The following SPRED1 variants were observed in gnomAD, a reference collection of about 807,000 sequenced individuals.
The protein encoded by SPRED1 is sprouty-related, EVH1 domain-containing protein 1.
In SPRED1, 18 loss-of-function variants were observed where a neutral mutation model predicts 52.3. The observed-to-expected ratio is 0.34, with a 90% CI of 0.24 to 0.51. The LOEUF (loss-of-function observed/expected upper bound fraction) is 0.51, where lower values mean the gene tolerates loss of function less well. Ranked by LOEUF, SPRED1 falls within the 20% of genes least tolerant of loss-of-function variation. The probability of loss-of-function intolerance (pLI) is 0.97; values close to 1 mark genes in which losing one functional copy is unlikely to be tolerated. For synonymous variants in SPRED1, 155 were observed against 179.7 expected (o/e 0.86, Z 1.10); for missense variants, 485 against 551.0 (o/e 0.88, Z 1.20).
intron 6 of SPRED1, among the ~76,000 whole-genome samples, chr15:38,350,381 C>T (rs149207984): frequency 1.3e-5 from 2 of 152,256 alleles, no homozygotes; most frequent in Non-Finnish European, 2.9e-5. Flanking sequence ...TAAAGTCTCT[C>T]TTAAGGGCCA....
chr15:38,342,155 GT>G (rs1444514362), intron 5 of SPRED1, among the ~76,000 whole-genome samples: 4 of 147,130 alleles, frequency 2.7e-5, no homozygotes, highest in East Asian at 2.0e-4. Flanking sequence ...CATTTGCTGT[GT>G]TTTTTTTCCT....
At chr15:38,268,685 G>A (rs1211643783) in intron 1 of SPRED1, among the ~76,000 whole-genome samples, 1 of 152,200 alleles carries the variant, frequency 6.6e-6, no homozygotes, top group Non-Finnish European at 1.5e-5. Flanking sequence ...TGTTATTTGA[G>A]CATACTTTCC....
In SPRED1 at chr15:38,353,661, T is replaced by G. The variant is rs1888544323; in HGVS notation, c.*1997T>G. The G allele has an allele frequency of 6.6e-6, 1 of 152,570 alleles. No individual in the cohort carries two copies. Among genetic ancestry groups the G allele is most frequent in the Non-Finnish European group, 1.5e-5 (1 of 67,954 alleles). The allele number at this position is 152,570 out of a possible 1,614,324, so 9.5% of individuals were successfully genotyped here. A position where few individuals can be genotyped will look rare whatever the true frequency, so the allele number is the denominator to read the frequency against. ...AATAGACTGTTAACTTTCAAAATTT[T>G]TATTGGTGAAATGGAAATACTGTTT... On this transcript the variant is annotated 3_prime_UTR_variant, in exon 7 of 7. Coordinates refer to ENST00000299084, the MANE Select transcript of SPRED1 (RefSeq NM_152594.3).
intron 1 of SPRED1, among the ~76,000 whole-genome samples, chr15:38,296,879 T>A (rs1284866758): frequency 6.6e-6 from 1 of 152,184 alleles, no homozygotes; most frequent in African/African-American, 2.4e-5. Flanking sequence ...CCTACCATCA[T>A]GAAAGTAAGA....
intron 4 of SPRED1, among the ~76,000 whole-genome samples, chr15:38,336,097 C>G (rs974846546): frequency 2.6e-5 from 4 of 151,784 alleles, no homozygotes; most frequent in African/African-American, 9.7e-5. Flanking sequence ...GACTTTTTAA[C>G]ACTAAACATT....
intron 1 of SPRED1, among the ~76,000 whole-genome samples, chr15:38,276,228 TA>T: frequency 6.6e-6 from 1 of 151,426 alleles, no homozygotes; most frequent in Admixed American, 6.6e-5. Context: ...TTTTTTTTTT[TA>T]CTGTGGCTCT....
intron 1 of SPRED1, among the ~76,000 whole-genome samples, chr15:38,268,506 G>A (rs1238817820): frequency 2.0e-5 from 3 of 152,272 alleles, no homozygotes; most frequent in South Asian, 2.1e-4. Context: ...ATGTGTGTGC[G>A]TGATACACTT....
chr15:38,299,994 A>G (rs1394099552), intron 2 of SPRED1, among the ~76,000 whole-genome samples: 1 of 152,252 alleles, frequency 6.6e-6, no homozygotes, highest in African/African-American at 2.4e-5. Flanking sequence ...CATAAGAATT[A>G]TATGAAATTC....
chr15:38,338,072 C>T (rs1195865510), intron 4 of SPRED1, among the ~76,000 whole-genome samples: 2 of 143,936 alleles, frequency 1.4e-5, no homozygotes, highest in South Asian at 2.2e-4. Flanking sequence ...AATAGCTGGG[C>T]GTGGCGGCGG....
chr15:38,340,194 G>T (rs1896001298), intron 5 of SPRED1, among the ~76,000 whole-genome samples: 1 of 152,146 alleles, frequency 6.6e-6, no homozygotes, highest in African/African-American at 2.4e-5. Flanking sequence ...CATTAATTAT[G>T]ATGTGTTTAC....
chr15:38,272,426 G>A (rs774917892), intron 1 of SPRED1, among the ~76,000 whole-genome samples: 7 of 151,876 alleles, frequency 4.6e-5, no homozygotes. Flanking sequence ...CAACCACCAC[G>A]CCCAGCTAAT....
At chr15:38,298,493 A>G (rs1308622956) in intron 1 of SPRED1, 7 of 315,800 alleles carry the variant, frequency 2.2e-5, no homozygotes, top group Non-Finnish European at 3.6e-5. Flanking sequence ...GATTTATTCA[A>G]TTAGAGGACT....
intron 1 of SPRED1, among the ~76,000 whole-genome samples, chr15:38,298,945 C>G (rs1434669659): frequency 6.6e-6 from 1 of 152,154 alleles, no homozygotes; most frequent in Non-Finnish European, 1.5e-5. Context: ...TTAGGGACTT[C>G]TAGATGCTGC....
chr15:38,269,858 G>A (rs1894393044), intron 1 of SPRED1, among the ~76,000 whole-genome samples: 1 of 150,456 alleles, frequency 6.6e-6, no homozygotes, highest in Non-Finnish European at 1.5e-5. Flanking sequence ...AGTGGCCAGT[G>A]TTGACTGCTG....
intron 1 of SPRED1, among the ~76,000 whole-genome samples, chr15:38,290,537 TG>T (rs1431723945): frequency 6.6e-6 from 1 of 152,200 alleles, no homozygotes; most frequent in Non-Finnish European, 1.5e-5. Context: ...TGTGTTAGTT[TG>T]TTTTCATGCT....
At chr15:38,285,247 T>G (rs1894780584) in intron 1 of SPRED1, among the ~76,000 whole-genome samples, 1 of 152,136 alleles carries the variant, frequency 6.6e-6, no homozygotes, top group Non-Finnish European at 1.5e-5. Context: ...CTCTTCTAGT[T>G]TAAGGATGTA....
At chr15:38,344,366 T>A (rs1034595910) in intron 5 of SPRED1, among the ~76,000 whole-genome samples, 1 of 152,190 alleles carries the variant, frequency 6.6e-6, no homozygotes. Context: ...CTTCTTTGGC[T>A]GAAAGAACTG....
intron 1 of SPRED1, chr15:38,283,480 G>T (rs1684384145): frequency 1.0e-6 from 1 of 982,310 alleles, no homozygotes; most frequent in African/African-American, 1.7e-5. Flanking sequence ...CAGATTTTGT[G>T]ATTTGTTTCC....
At chr15:38,311,378 C>T (rs531651354) in intron 2 of SPRED1, among the ~76,000 whole-genome samples, 1 of 152,152 alleles carries the variant, frequency 6.6e-6, no homozygotes, top group East Asian at 1.9e-4. Context: ...GTCTGTAGGT[C>T]GGTGGGGGTT....
Sources: allele counts gnomAD v4.1 joint callset (sites outside exome capture counted in the v4.1 genomes callset), GRCh38; gene constraint gnomAD v4.1.1; transcripts MANE v1.5; gene names NCBI Gene and HGNC (gene_info 2026-07-23, HGNC 2026-07-21).